Variants in IL20RB observed in about 807,000 individuals in gnomAD.
IL20RB encodes the protein interleukin-20 receptor subunit beta.
A neutral mutation model predicts 33.3 loss-of-function variants in IL20RB; 21 were observed. That is an observed-to-expected ratio of 0.63 (90% CI 0.45 to 0.91). The LOEUF (loss-of-function observed/expected upper bound fraction) is 0.91, where lower values mean the gene tolerates loss of function less well. Among genes scored for constraint, IL20RB ranks in the 40% least tolerant of loss-of-function variants. The pLI, the probability that IL20RB is intolerant of heterozygous loss-of-function variation, is 0.00. For synonymous variants in IL20RB, 147 were observed against 146.8 expected (o/e 1.00, Z -0.01); for missense variants, 345 against 384.8 (o/e 0.90, Z 0.86).
At chr3:136,989,216 G>C (rs760014765) in intron 3 of IL20RB, among the ~76,000 whole-genome samples, 12 of 152,182 alleles carry the variant, frequency 7.9e-5, no homozygotes, top group Non-Finnish European at 1.5e-4. Context: ...TATAGCATTT[G>C]TCATTTGTTT....
At position 136,980,497 on chromosome 3, in the gene IL20RB, C is replaced by T; in HGVS notation, c.120C>T (p.Asn40=). The T allele has an allele frequency of 6.2e-7, 1 of 1,614,234 alleles. No homozygotes were observed. Among genetic ancestry groups the T allele is most frequent in the Non-Finnish European group, 8.5e-7 (1 of 1,180,054 alleles). Residue 40 remains asparagine, a synonymous_variant, in exon 2 of 7, where the codon AAC becomes AAT. Coordinates refer to ENST00000329582, the MANE Select transcript of IL20RB (RefSeq NM_144717.4). ...DEVAILPAPQ[N]LSVLSTNMKH... is the part of the protein sequence containing the mutation. Reference sequence around the variant, plus strand: ...TGGCCATTCTGCCTGCCCCTCAGAACCTCTCTGTACTCTCAACCAACATGA... The same window carrying T: ...TGGCCATTCTGCCTGCCCCTCAGAATCTCTCTGTACTCTCAACCAACATGA...
intron 3 of IL20RB, among the ~76,000 whole-genome samples, chr3:136,983,853 T>C (rs969710054): frequency 6.6e-6 from 1 of 152,184 alleles, no homozygotes; most frequent in African/African-American, 2.4e-5. Flanking sequence ...TGTTTTGTTT[T>C]TGAGGTGGAG....
chr3:136,975,808 C>T (rs191893563), intron 1 of IL20RB, among the ~76,000 whole-genome samples: 11 of 152,212 alleles, frequency 7.2e-5, no homozygotes, highest in African/African-American at 2.6e-4. Context: ...TATGCCTGTC[C>T]GTGTTTCCCA....
chr3:137,008,804 A>G (rs1013516670), intron 6 of IL20RB, among the ~76,000 whole-genome samples: 2 of 152,188 alleles, frequency 1.3e-5, no homozygotes, highest in African/African-American at 4.8e-5. Context: ...TTTTGGATAT[A>G]TTTGTTAAAT....
chr3:136,973,084 A>C (rs1473496302), intron 1 of IL20RB, among the ~76,000 whole-genome samples: 2 of 152,132 alleles, frequency 1.3e-5, no homozygotes, highest in Non-Finnish European at 2.9e-5. Context: ...TTTAATTTCC[A>C]TGTACTTAAA....
intron 6 of IL20RB, among the ~76,000 whole-genome samples, chr3:136,996,329 TAAAAC>T (rs1308027992): frequency 2.0e-5 from 3 of 151,754 alleles, no homozygotes; most frequent in Non-Finnish European, 2.9e-5. Context: ...AGCAGTGCAA[TAAAAC>T]AAAACAAAAC....
intron 1 of IL20RB, among the ~76,000 whole-genome samples, chr3:136,970,542 C>A (rs1372570588): frequency 6.6e-6 from 1 of 152,132 alleles, no homozygotes; most frequent in African/African-American, 2.4e-5. Context: ...GTTTTAATTA[C>A]CATAAGTCCT....
intron 5 of IL20RB, among the ~76,000 whole-genome samples, chr3:136,993,243 C>T (rs1181334993): frequency 3.9e-5 from 6 of 152,144 alleles, no homozygotes; most frequent in African/African-American, 1.4e-4. Flanking sequence ...TTCTCCTGCA[C>T]ATCACTCAGG....
chr3:136,974,995 A>C (rs1047370130), intron 1 of IL20RB, among the ~76,000 whole-genome samples: 2 of 152,058 alleles, frequency 1.3e-5, no homozygotes, highest in African/African-American at 4.8e-5. Flanking sequence ...GAAATTTCTC[A>C]TTTATATTCT....
intron 1 of IL20RB, among the ~76,000 whole-genome samples, chr3:136,977,420 A>G (rs1001868514): frequency 3.3e-5 from 5 of 152,198 alleles, no homozygotes; most frequent in Non-Finnish European, 5.9e-5. Flanking sequence ...CTTTGATTTC[A>G]TTTAGCATTG....
At chr3:136,980,067 C>G (rs1401819562) in intron 1 of IL20RB, among the ~76,000 whole-genome samples, 1 of 152,146 alleles carries the variant, frequency 6.6e-6, no homozygotes, top group African/African-American at 2.4e-5. Context: ...ATGGTCTTTA[C>G]CTCCCAGTAT....
At chr3:136,987,310 A>T (rs971465662) in intron 3 of IL20RB, among the ~76,000 whole-genome samples, 1 of 152,096 alleles carries the variant, frequency 6.6e-6, no homozygotes, top group Non-Finnish European at 1.5e-5. Flanking sequence ...TACAGAGTAT[A>T]GACACAAAGG....
intron 6 of IL20RB, among the ~76,000 whole-genome samples, chr3:137,001,875 C>A (rs1470058714): frequency 6.6e-6 from 1 of 152,048 alleles, no homozygotes; most frequent in East Asian, 1.9e-4. Context: ...TTGCTGCACC[C>A]ATCAACTCAT....
intron 3 of IL20RB, among the ~76,000 whole-genome samples, chr3:136,987,579 C>G (rs1476516219): frequency 2.6e-5 from 4 of 152,222 alleles, no homozygotes; most frequent in Admixed American, 2.6e-4. Context: ...GTCCTGCGCC[C>G]TGCGTCCGCA....
intron 1 of IL20RB, among the ~76,000 whole-genome samples, chr3:136,960,367 C>T (rs1350826769): frequency 2.0e-5 from 3 of 151,882 alleles, no homozygotes; most frequent in Non-Finnish European, 4.4e-5. Flanking sequence ...AGGATGGTCT[C>T]GATCTCTTGA....
Position 137,002,615 on chromosome 3 carries a change from T to TG in IL20RB, c.825+7061dup, listed in dbSNP as rs1459245978. Among the ~76,000 whole-genome samples the TG allele has an allele frequency of 3.3e-5, 5 of 152,170 alleles. 1 individual carries two copies. Among genetic ancestry groups the TG allele is most frequent in the African/African-American group, 1.2e-4 (5 of 41,532 alleles). Reference sequence around the variant, plus strand: ...TTCATATCCTTTGCCCACTTTTTGATGGTTTTTTTTTTCTTGTAAATTTGT... The same window carrying TG: ...TTCATATCCTTTGCCCACTTTTTGATGGGTTTTTTTTTTCTTGTAAATTTGT... On this transcript the variant is annotated intron_variant, in intron 6 of 6. Transcript: ENST00000329582.
At chr3:136,993,207 A>G (rs1942065548) in intron 5 of IL20RB, among the ~76,000 whole-genome samples, 2 of 152,156 alleles carry the variant, frequency 1.3e-5, no homozygotes, top group Admixed American at 6.5e-5. Flanking sequence ...ATTTTAATAA[A>G]TAAATAAAGA....
At chr3:136,976,025 T>C (rs1941608407) in intron 1 of IL20RB, among the ~76,000 whole-genome samples, 2 of 152,166 alleles carry the variant, frequency 1.3e-5, no homozygotes, top group South Asian at 4.1e-4. Flanking sequence ...CCTTTTATGA[T>C]GGCAGTGGGT....
chr3:136,980,213 T>C (rs1941732797), intron 1 of IL20RB: 2 of 509,330 alleles, frequency 3.9e-6, no homozygotes, highest in East Asian at 3.6e-5. Flanking sequence ...GTCAGAATTA[T>C]AATGGTGGTA....
Sources: allele counts gnomAD v4.1 joint callset (sites outside exome capture counted in the v4.1 genomes callset), GRCh38; gene constraint gnomAD v4.1.1; transcripts MANE v1.5; gene names NCBI Gene and HGNC (gene_info 2026-07-23, HGNC 2026-07-21).